The following HTT variants were observed in gnomAD, a reference collection of about 807,000 sequenced individuals.
HTT encodes huntingtin, also known as huntington disease protein.
A neutral mutation model predicts 362.3 loss-of-function variants in HTT; 104 were observed. That is an observed-to-expected ratio of 0.29 (90% confidence interval 0.24 to 0.34). HTT has a LOEUF of 0.34. HTT is among the 10% of genes least tolerant of loss of function. HTT has a pLI of 1.00. For missense variants in HTT, 3,301 were observed against 3,928.6 expected, an observed-to-expected ratio of 0.84 and a Z score of 4.27; for synonymous variants, 1,577 against 1,548.7, an observed-to-expected ratio of 1.02 and a Z score of -0.43.
At position 3,238,641 on chromosome 4, in the gene HTT, G is replaced by A. The variant is rs199695919; in HGVS notation, c.9054+32G>A. 5,121 of 1,570,808 alleles carry A rather than the reference G, an allele frequency of 3.3e-3. 14 individuals are homozygous for A. Among genetic ancestry groups the A allele is most frequent in the Non-Finnish European group, 3.9e-3 (4,510 of 1,154,412 alleles). On this transcript the variant is annotated intron_variant, in intron 65 of 66. Transcript: ENST00000355072. Reference sequence around the variant, plus strand: ...TTGCATGTGGGATGGGGATGGAGTGGGAAAGCCTGGAGGTGGAGTTGCCTC... The same window carrying A: ...TTGCATGTGGGATGGGGATGGAGTGAGAAAGCCTGGAGGTGGAGTTGCCTC...
chr4:3,080,335 T>G (rs978723370), intron 1 of HTT, among the ~76,000 whole-genome samples: 7 of 151,132 alleles, frequency 4.6e-5, no homozygotes, highest in Non-Finnish European at 1.0e-4. Flanking sequence ...CCTCAGGTGA[T>G]CCACTCGCCT....
intron 5 of HTT, 33 bp downstream of exon 5, chr4:3,105,469 C>T (rs751249111): frequency 2.7e-5 from 37 of 1,365,638 alleles, no homozygotes; most frequent in African/African-American, 8.6e-5. Context: ...TGGTTTTTGT[C>T]GGGGGCCAGC....
chr4:3,224,073 C>T lies in HTT; in HGVS notation c.7707C>T (p.Ala2569=). 6.2e-7 allele frequency: 1 copy of T among 1,613,750 alleles called. No individual in the cohort carries two copies. The highest frequency in any genetic ancestry group is 8.5e-7 in the Non-Finnish European group (1 of 1,179,618). Residue 2569 remains alanine (A), a synonymous_variant, in exon 56 of 67, where the codon GCC becomes GCT. Transcript: ENST00000355072. ...TGGTTTCAAAGAGAGAGAATATTGC[C>T]ACCCATCATTTATATCAGGCATGGG... ...QAMVSKRENI[A]THHLYQAWDP...
Position 3,235,078 on chromosome 4 carries a change from C to T in HTT, c.8457-206C>T, listed in dbSNP as rs3025809. On this transcript the variant is annotated intron_variant, in intron 61 of 66. Transcript: ENST00000355072. ...GAGGGCAGGGCGTTGGGGAGGTAGA[C>T]GGGCTCAGCCACTCAGGGAGTGGTC... is the stretch of plus-strand genomic sequence containing the variant. Among the ~76,000 whole-genome samples, 1,052 of 152,198 alleles carry T rather than the reference C, an allele frequency of 6.9e-3. 13 individuals are homozygous for T. Among genetic ancestry groups the T allele is most frequent in the African/African-American group, 0.024 (979 of 41,520 alleles).
At chr4:3,168,823 G>A (rs1376967322) in intron 29 of HTT, among the ~76,000 whole-genome samples, 1 of 152,152 alleles carries the variant, frequency 6.6e-6, no homozygotes, top group Non-Finnish European at 1.5e-5. Flanking sequence ...GCTGCAAAGA[G>A]CCATGATCAT....
Position 3,148,198 on chromosome 4 carries a change from C to T in HTT, c.3489C>T (p.Pro1163=), listed in dbSNP as rs761548179. 5.1e-6 allele frequency: 8 copies of T among 1,573,026 alleles called. No individual in the cohort carries two copies. Among genetic ancestry groups the T allele is most frequent in the Admixed American group, 3.8e-5 (2 of 52,834 alleles). ...AHVLDDVAPG[P]AIKAALPSLT... is the part of the protein sequence containing the mutation. ...TCCTGGATGACGTGGCTCCTGGACCCGCAATAAAGGTAATGTCCCACTTGG... is the reference window on the plus strand; with the variant it reads ...TCCTGGATGACGTGGCTCCTGGACCTGCAATAAAGGTAATGTCCCACTTGG... Residue 1163 remains proline (P), a synonymous_variant, in exon 26 of 67, where the codon CCC becomes CCT. Transcript: ENST00000355072.
chr4:3,152,349 C>T (rs998562552), intron 26 of HTT, among the ~76,000 whole-genome samples: 5 of 152,204 alleles, frequency 3.3e-5, no homozygotes, highest in Non-Finnish European at 7.3e-5. Flanking sequence ...TAGCCCGCCT[C>T]GGCCTCCCAA....
In HTT at chr4:3,235,167, T is replaced by C; in HGVS notation, c.8457-117T>C. 4.1e-6 allele frequency: 3 copies of C among 739,848 alleles called. No homozygotes were observed. In the South Asian group the frequency reaches 4.9e-5, roughly 12 times the overall value. The allele number at this position is 739,848 out of a possible 1,614,324, so 45.8% of individuals were successfully genotyped here. On this transcript the variant is annotated intron_variant, in intron 61 of 66. Transcript: ENST00000355072. ...TGGGGGAGCCACTCAGGGTAGGCGC[T>C]CCCGGGAGCCCGCCTGGCCCATAGC...
chr4:3,162,018 A>G (rs2110219724), intron 29 of HTT, among the ~76,000 whole-genome samples: 1 of 152,278 alleles, frequency 6.6e-6, no homozygotes, highest in Non-Finnish European at 1.5e-5. Flanking sequence ...CCTGAATGTT[A>G]TGGCCCAGGT....
Position 3,206,764 on chromosome 4 carries a change from T to G in HTT, c.5899-43T>G, listed in dbSNP as rs376780239. The G allele has an allele frequency of 1.8e-5, 29 of 1,588,880 alleles. No homozygotes were observed. The highest frequency in any genetic ancestry group is 2.2e-5 in the Non-Finnish European group (26 of 1,165,708). ...GAAATTTTTAACTTTAATTTCTGAT[T>G]TGCAAAATAGTCATCTTTTGTTCTT... On this transcript the variant is annotated intron_variant, in intron 43 of 66. Coordinates refer to ENST00000355072, the MANE Select transcript of HTT (RefSeq NM_001388492.1). The surrounding 1 kb of genome is among the most constrained non-coding windows in gnomAD (Gnocchi z 4.6).
At chr4:3,104,246 G>C (rs1462585080) in intron 4 of HTT, among the ~76,000 whole-genome samples, 2 of 151,802 alleles carry the variant, frequency 1.3e-5, no homozygotes, top group East Asian at 4.0e-4. Flanking sequence ...TGATCCGCCC[G>C]CCTCGGCCTC....
chr4:3,224,025 T>C lies in HTT; in HGVS notation c.7659T>C (p.Ile2553=), dbSNP rs757323967. 1 of 1,614,068 alleles carries C rather than the reference T, an allele frequency of 6.2e-7. No individual in the cohort carries two copies. Among genetic ancestry groups the C allele is most frequent in the Non-Finnish European group, 8.5e-7 (1 of 1,179,914 alleles). Reference sequence around the variant, plus strand: ...GGAAGCTGAGCATTATCAGAGGGATTGTGGAGCAAGAGATTCAAGCAATGG... The same window carrying C: ...GGAAGCTGAGCATTATCAGAGGGATCGTGGAGCAAGAGATTCAAGCAATGG... ...FGRKLSIIRG[I]VEQEIQAMVS... is the part of the protein sequence containing the mutation. Residue 2553 remains isoleucine (I), a synonymous_variant, in exon 56 of 67, where the codon ATT becomes ATC. Transcript: ENST00000355072.
chr4:3,140,996 T>G (rs1416076555), intron 22 of HTT, among the ~76,000 whole-genome samples: 2 of 152,260 alleles, frequency 1.3e-5, no homozygotes, highest in Non-Finnish European at 2.9e-5. Context: ...GAGGATTGTA[T>G]TCTATCATGC....
intron 57 of HTT, among the ~76,000 whole-genome samples, chr4:3,226,233 C>T (rs900869904): frequency 1.3e-5 from 2 of 152,050 alleles, no homozygotes; most frequent in African/African-American, 2.4e-5. Context: ...GTGGGAGCCC[C>T]GTGTGCAGGC....
At chr4:3,131,460 T>C in intron 15 of HTT, 63 bp downstream of exon 15, 1 of 1,494,308 alleles carries the variant, frequency 6.7e-7, no homozygotes, top group Non-Finnish European at 9.3e-7. Flanking sequence ...GTCAGCTTGG[T>C]GGCCTGTTTT....
At position 3,211,911 on chromosome 4, in the gene HTT, T is replaced by C. The variant is rs377343311; in HGVS notation, c.6415-18T>C. 35 of 1,584,376 alleles carry C rather than the reference T, an allele frequency of 2.2e-5. No homozygotes were observed. Among genetic ancestry groups the C allele is most frequent in the Non-Finnish European group, 2.3e-5 (27 of 1,153,056 alleles). ...ATCTGTTGTTATTGTTTGTTAACCT[T>C]TAATGCTCTGATTTCAGGAGTTCAA... On this transcript the variant is annotated intron_variant, in intron 47 of 66. Transcript: ENST00000355072.
At chr4:3,101,182 A>G (rs922390216) in intron 3 of HTT, among the ~76,000 whole-genome samples, 1 of 152,208 alleles carries the variant, frequency 6.6e-6, no homozygotes, top group Non-Finnish European at 1.5e-5. Context: ...TTAATGTGTA[A>G]GTATTGTTCT....
intron 26 of HTT, 80 bp downstream of exon 26, chr4:3,148,287 C>T (rs1258003056): frequency 6.8e-6 from 7 of 1,036,646 alleles, no homozygotes; most frequent in African/African-American, 3.2e-5. Context: ...AGTAATCTGT[C>T]CCTTCTTTAT....
rs1044974150 is a variant in HTT at position 3,168,482 on chromosome 4, C to T, written c.3865-3838C>T. Among the ~76,000 whole-genome samples, 3 of 152,186 alleles carry T rather than the reference C, an allele frequency of 2.0e-5. No individual in the cohort carries two copies. The East Asian group carries it at 5.8e-4, about 29-fold the overall frequency. On this transcript the variant is annotated intron_variant, in intron 29 of 66. Transcript: ENST00000355072. ...ATCATTTTCTTTTTCTAAATAGCAA[C>T]ACTAGGAATAAAAAATAATAATTCC...
Sources: allele counts gnomAD v4.1 joint callset (sites outside exome capture counted in the v4.1 genomes callset), GRCh38; gene constraint gnomAD v4.1.1; non-coding constraint Gnocchi (gnomAD v3.1); transcripts MANE v1.5; gene names NCBI Gene and HGNC (gene_info 2026-07-23, HGNC 2026-07-21).